GALNT16: variants seen among roughly 807,000 people sequenced by gnomAD.
The protein encoded by GALNT16 is polypeptide N-acetylgalactosaminyltransferase 16.
In GALNT16, 40 loss-of-function variants were observed where a neutral mutation model predicts 76.1. The observed-to-expected ratio is 0.53, with a 90% CI of 0.41 to 0.68. The LOEUF is 0.68. Ranked by LOEUF, GALNT16 falls within the 30% of genes least tolerant of loss-of-function variation. The pLI is 0.00. For synonymous variants in GALNT16, 276 were observed against 285.2 expected (o/e 0.97, Z 0.32); for missense variants, 621 against 731.9 (o/e 0.85, Z 1.75).
chr14:69,332,232 T>C (rs1351855798), intron 7 of GALNT16, among the ~76,000 whole-genome samples: 1 of 152,248 alleles, frequency 6.6e-6, no homozygotes, highest in Non-Finnish European at 1.5e-5. Flanking sequence ...TCTGATGTGA[T>C]TACTAGAACA....
intron 1 of GALNT16, among the ~76,000 whole-genome samples, chr14:69,294,253 C>T (rs1336556058): frequency 6.6e-6 from 1 of 152,090 alleles, no homozygotes; most frequent in East Asian, 1.9e-4. Context: ...TCCCAAGTAG[C>T]TGGGATTACA....
intron 1 of GALNT16, among the ~76,000 whole-genome samples, chr14:69,271,151 G>A (rs966939056): frequency 1.3e-5 from 2 of 152,174 alleles, no homozygotes; most frequent in Non-Finnish European, 2.9e-5. Flanking sequence ...ATGGCTCATC[G>A]CTGGATGCAC....
upstream of GALNT16, chr14:69,260,136 AC>A (rs1410661172): frequency 2.4e-4 from 28 of 114,862 alleles, 2 homozygotes; most frequent in Middle Eastern, 4.5e-3. Context: ...TCTCCCTATC[AC>A]CCCCCCGCCC....
At chr14:69,348,352 A>T in intron 14 of GALNT16, 1 of 454,400 alleles carries the variant, frequency 2.2e-6, no homozygotes, top group Non-Finnish European at 3.9e-6. Context: ...GAAATAGATC[A>T]TCTCATCTAA....
intron 12 of GALNT16, among the ~76,000 whole-genome samples, chr14:69,344,931 T>C (rs1256118832): frequency 6.6e-6 from 1 of 152,038 alleles, no homozygotes; most frequent in Admixed American, 6.6e-5. Flanking sequence ...ATGGCAGGGG[T>C]TGCAAACTCA....
chr14:69,310,442 TC>T (rs2045001532), intron 1 of GALNT16, among the ~76,000 whole-genome samples: 1 of 152,192 alleles, frequency 6.6e-6, no homozygotes, highest in Non-Finnish European at 1.5e-5. Flanking sequence ...CTGAATCTTT[TC>T]CAAGCATGAG....
chr14:69,372,761 C>T, the GALNT16 span, among the ~76,000 whole-genome samples: 487 of 152,240 alleles, frequency 3.2e-3, 4 homozygotes, highest in African/African-American at 0.011. Context: ...ATCAAGGATA[C>T]GTTGAGGTAT....
Position 69,316,746 on chromosome 14 carries a change from C to A in GALNT16, c.178-3965C>A, listed in dbSNP as rs191966526. ...CACCTGCCCAGAGAGCGCCTCAGGC[C>A]ATTGTGAGCTTGGGGGCTTGTAGTC... On this transcript the variant is annotated intron_variant, in intron 1 of 14. Transcript: ENST00000448469. Among the ~76,000 whole-genome samples the A allele has an allele frequency of 5.8e-4, 66 of 114,156 alleles. 1 individual carries two copies. In the South Asian group the frequency reaches 0.012, roughly 21 times the overall value. The allele number at this position is 114,156 out of a possible 152,430, so 74.9% of individuals were successfully genotyped here.
At chr14:69,341,563 G>A in intron 11 of GALNT16, 118 bp from the exon 12 acceptor site, 1 of 677,210 alleles carries the variant, frequency 1.5e-6, no homozygotes, top group Non-Finnish European at 2.7e-6. Context: ...CAGGCTGGAA[G>A]TCTCCTGGTC....
chr14:69,346,539 G>T (rs1238538841), intron 12 of GALNT16, among the ~76,000 whole-genome samples: 1 of 152,184 alleles, frequency 6.6e-6, no homozygotes, highest in African/African-American at 2.4e-5. Context: ...TTAAGTGTGT[G>T]TGTGTACAAA....
chr14:69,349,359 T>TC (rs1188697923), intron 14 of GALNT16: 2 of 152,074 alleles, frequency 1.3e-5, no homozygotes, highest in Admixed American at 1.3e-4. Flanking sequence ...ATCACACATT[T>TC]CCCCCTTTGT....
At chr14:69,300,858 G>A (rs947951337) in intron 1 of GALNT16, among the ~76,000 whole-genome samples, 1 of 152,180 alleles carries the variant, frequency 6.6e-6, no homozygotes, top group South Asian at 2.1e-4. Context: ...GAAGTCAGAG[G>A]TACCAACTTG....
intron 1 of GALNT16, among the ~76,000 whole-genome samples, chr14:69,288,063 T>C (rs534494058): frequency 2.0e-5 from 3 of 152,218 alleles, no homozygotes; most frequent in Non-Finnish European, 2.9e-5. Context: ...ACTGACAGTG[T>C]CTGCCACTGC....
chr14:69,336,179 T>C (rs116802520), intron 9 of GALNT16, among the ~76,000 whole-genome samples: 5,809 of 152,202 alleles, frequency 0.038, 134 homozygotes, highest in South Asian at 0.054. Context: ...GGCACAATCT[T>C]ACTCATTGCA....
Position 69,347,970 on chromosome 14 carries a change from C to A in GALNT16, c.1507C>A (p.Leu503Met). The change falls in exon 14 of 15, where the codon CTG becomes ATG. Residue 503 changes from leucine (L) to methionine (M), a missense_variant. Coordinates refer to ENST00000448469, the MANE Select transcript of GALNT16 (RefSeq NM_001168368.2). ...LMSSPGSPVI[L>M]QMCNPREGKQ... ...GTCCTCCCCTGGATCCCCAGTCATA[C>A]TGCAGATGTGCAACCCTAGAGAAGG... The A allele has an allele frequency of 6.2e-7, 1 of 1,614,144 alleles. No homozygotes were observed. Among genetic ancestry groups the A allele is most frequent in the Non-Finnish European group, 8.5e-7 (1 of 1,180,008 alleles).
the GALNT16 span, chr14:69,380,452 TA>T: frequency 1.4e-6 from 1 of 724,748 alleles, no homozygotes; most frequent in Non-Finnish European, 2.5e-6. Context: ...GAAACAGGAT[TA>T]CTATGATACA....
At chr14:69,287,208 T>G (rs1025136016) in intron 1 of GALNT16, among the ~76,000 whole-genome samples, 2 of 152,242 alleles carry the variant, frequency 1.3e-5, no homozygotes, top group Non-Finnish European at 2.9e-5. Context: ...TTGAGCATCT[T>G]TTGTACAATT....
In GALNT16 at chr14:69,333,240, G is replaced by A; in HGVS notation, c.863+71G>A. On this transcript the variant is annotated intron_variant, in intron 8 of 14. Transcript: ENST00000448469. The surrounding 1 kb of genome is among the most constrained non-coding windows in gnomAD (Gnocchi z 4.2). ...CAGGGGCCTGGGAGGCTCTTGGGAG[G>A]CTGTATCGGTCGCTTGGGCTCCTGA... 1 of 1,091,886 alleles carries A rather than the reference G, an allele frequency of 9.2e-7. No individual in the cohort carries two copies. Among genetic ancestry groups the A allele is most frequent in the African/African-American group, 1.6e-5 (1 of 63,682 alleles). The allele number at this position is 1,091,886 out of a possible 1,614,324, so 67.6% of individuals were successfully genotyped here. A position where few individuals can be genotyped will look rare whatever the true frequency, so the allele number is the denominator to read the frequency against.
intron 12 of GALNT16, 135 bp from the exon 13 acceptor site, chr14:69,346,905 G>T: frequency 1.0e-6 from 1 of 987,544 alleles, no homozygotes; most frequent in Admixed American, 1.8e-5. Flanking sequence ...TCCCCCTGCT[G>T]GCCAGGCTGC....
Sources: gnomAD v4.1 joint callset for allele counts (sites outside exome capture counted in the v4.1 genomes callset) on GRCh38, gnomAD v4.1.1 for gene constraint, Gnocchi (gnomAD v3.1) non-coding constraint, MANE v1.5 for transcripts, NCBI Gene and HGNC (gene_info 2026-07-23, HGNC 2026-07-21) for gene names.